The following UTRN variants were observed in gnomAD, a reference collection of about 807,000 sequenced individuals.
UTRN encodes dystrophin-related protein 1.
Under a neutral mutation model 463.9 loss-of-function variants are expected in UTRN, and 283 were observed. The ratio of observed to expected loss-of-function variants is 0.61; its 90% CI spans 0.55 to 0.67. UTRN has a LOEUF of 0.67. UTRN is among the 30% of genes least tolerant of loss of function. The pLI is 0.00. For missense variants in UTRN, 3,922 were observed against 4,084.3 expected (o/e 0.96, Z 1.08); for synonymous variants, 1,442 against 1,431.5 (o/e 1.01, Z -0.17).
intron 34 of UTRN, 152 bp from the exon 35 acceptor site, chr6:144,510,792 T>C: frequency 1.7e-6 from 1 of 593,204 alleles, no homozygotes; most frequent in Non-Finnish European, 2.5e-6. Flanking sequence ...TTAATAAGTT[T>C]GGGAATTTTG....
At chr6:144,786,993 T>A (rs1233804476) in intron 61 of UTRN, among the ~76,000 whole-genome samples, 2 of 152,146 alleles carry the variant, frequency 1.3e-5, no homozygotes, top group Non-Finnish European at 2.9e-5. Flanking sequence ...GATGAATGGG[T>A]GATTGACAGC....
intron 55 of UTRN, among the ~76,000 whole-genome samples, chr6:144,750,442 C>T (rs549988137): frequency 2.4e-4 from 36 of 152,030 alleles, no homozygotes; most frequent in Non-Finnish European, 3.2e-4. Context: ...CTGCAGGGTT[C>T]GGTAATATTT....
chr6:144,501,493 T>C (rs531292097), intron 34 of UTRN, among the ~76,000 whole-genome samples: 5 of 152,330 alleles, frequency 3.3e-5, no homozygotes, highest in African/African-American at 1.2e-4. Flanking sequence ...CAAAAGCATA[T>C]ATTTAAAAAT....
At chr6:144,807,753 T>C (rs1232883696) in intron 65 of UTRN, among the ~76,000 whole-genome samples, 2 of 152,136 alleles carry the variant, frequency 1.3e-5, no homozygotes, top group East Asian at 1.9e-4. Flanking sequence ...GATTCTATGT[T>C]CCCTTGTATC....
chr6:144,361,512 T>G (rs141618742), intron 2 of UTRN, among the ~76,000 whole-genome samples: 2 of 152,116 alleles, frequency 1.3e-5, no homozygotes, highest in African/African-American at 4.8e-5. Context: ...ACCAGGTGGA[T>G]CTATTTCTGG....
At chr6:144,460,754 C>T (rs528890345) in intron 21 of UTRN, among the ~76,000 whole-genome samples, 4 of 152,328 alleles carry the variant, frequency 2.6e-5, no homozygotes, top group South Asian at 2.1e-4. Context: ...GGTACCTGGG[C>T]AGCATGGTGG....
At chr6:144,480,867 A>G (rs1442141818) in intron 26 of UTRN, among the ~76,000 whole-genome samples, 2 of 152,234 alleles carry the variant, frequency 1.3e-5, no homozygotes, top group Admixed American at 6.5e-5. Flanking sequence ...TGACATTCAT[A>G]CATTATTATA....
At chr6:144,370,677 G>A (rs1036768052) in intron 2 of UTRN, among the ~76,000 whole-genome samples, 7 of 152,074 alleles carry the variant, frequency 4.6e-5, no homozygotes, top group Non-Finnish European at 7.4e-5. Flanking sequence ...AGCTAACATC[G>A]TGCACCTGGA....
intron 2 of UTRN, among the ~76,000 whole-genome samples, chr6:144,309,585 G>T (rs1412036677): frequency 6.6e-6 from 1 of 152,088 alleles, no homozygotes; most frequent in Non-Finnish European, 1.5e-5. Context: ...TACAGAATCC[G>T]GTCATATTTT....
intron 51 of UTRN, among the ~76,000 whole-genome samples, chr6:144,628,039 T>C (rs553007035): frequency 1.2e-4 from 18 of 152,304 alleles, no homozygotes; most frequent in Admixed American, 3.3e-4. Flanking sequence ...GACCTCGTGA[T>C]CCACCCGCCT....
intron 25 of UTRN, among the ~76,000 whole-genome samples, chr6:144,477,719 C>G (rs990204988): frequency 2.0e-5 from 3 of 152,168 alleles, no homozygotes; most frequent in African/African-American, 4.8e-5. Context: ...ATGTTATACT[C>G]TCATCTCTTA....
At chr6:144,716,527 A>C (rs1027098092) in intron 53 of UTRN, among the ~76,000 whole-genome samples, 1 of 152,212 alleles carries the variant, frequency 6.6e-6, no homozygotes, top group East Asian at 1.9e-4. Flanking sequence ...GTAATTCTTC[A>C]TAATGCTGTT....
At chr6:144,754,142 A>G (rs891903814) in intron 56 of UTRN, among the ~76,000 whole-genome samples, 2 of 151,708 alleles carry the variant, frequency 1.3e-5, no homozygotes, top group Non-Finnish European at 2.9e-5. Context: ...TCTATTATCT[A>G]TCTAACTATC....
intron 69 of UTRN, among the ~76,000 whole-genome samples, chr6:144,829,715 A>T (rs1780497656): frequency 6.6e-6 from 1 of 151,968 alleles, no homozygotes; most frequent in Non-Finnish European, 1.5e-5. Flanking sequence ...TCACTAAAAA[A>T]AAAAAAAAAC....
intron 53 of UTRN, among the ~76,000 whole-genome samples, chr6:144,713,541 G>A (rs1167395299): frequency 2.6e-5 from 4 of 151,730 alleles, no homozygotes; most frequent in Non-Finnish European, 4.4e-5. Context: ...TTGAACCTGG[G>A]AGGTGGAGGT....
At chr6:144,558,613 C>T (rs1158671762) in intron 50 of UTRN, among the ~76,000 whole-genome samples, 3 of 151,836 alleles carry the variant, frequency 2.0e-5, no homozygotes, top group Non-Finnish European at 4.4e-5. Context: ...CACATGTACC[C>T]TAAAACTTAA....
chr6:144,748,477 T>C lies in UTRN; in HGVS notation c.8171T>C (p.Leu2724Pro). ...RNGWKPVGDL[L>P]IDSLQDHIEK... ...GGCTGGAAGCCCGTGGGAGACTTAC[T>C]CATTGACTCGCTGCAGGATCACATT... The change falls in exon 55 of 75, where the codon CTC becomes CCC. Residue 2724 changes from leucine to proline, a missense_variant. By Grantham distance (98) the Leu-to-Pro change is moderately conservative (BLOSUM62 -3). This residue lies in a region of UTRN where 1,309 missense variants were observed against 1,452.6 expected (regional missense o/e 0.90). Coordinates refer to ENST00000367545, the MANE Select transcript of UTRN (RefSeq NM_007124.3). 1 of 1,613,974 alleles carries C rather than the reference T, an allele frequency of 6.2e-7. No individual in the cohort carries two copies. Among genetic ancestry groups the C allele is most frequent in the African/African-American group, 1.3e-5 (1 of 75,052 alleles).
chr6:144,799,402 C>T, intron 64 of UTRN: 1 of 470,260 alleles, frequency 2.1e-6, no homozygotes, highest in Admixed American at 2.4e-5. Context: ...TGAGCATTAG[C>T]CTGGCAGACA....
chr6:144,379,598 T>C (rs1780737513), intron 2 of UTRN, among the ~76,000 whole-genome samples: 1 of 152,182 alleles, frequency 6.6e-6, no homozygotes, highest in African/African-American at 2.4e-5. Context: ...ATACTTTTAG[T>C]CTCAAAAGTC....
Sources: allele counts gnomAD v4.1 joint callset (sites outside exome capture counted in the v4.1 genomes callset), GRCh38; gene constraint gnomAD v4.1.1; regional missense constraint gnomAD v4.1.1; transcripts MANE v1.5; gene names NCBI Gene and HGNC (gene_info 2026-07-23, HGNC 2026-07-21).